The following AGBL1 variants were observed in gnomAD, a reference collection of about 807,000 sequenced individuals.
The protein encoded by AGBL1 is cytosolic carboxypeptidase 4.
Under a neutral mutation model 118.9 loss-of-function variants are expected in AGBL1, and 130 were observed. The ratio of observed to expected loss-of-function variants is 1.09; its 90% CI spans 0.95 to 1.26. AGBL1 has a LOEUF of 1.26. Among genes scored for constraint, AGBL1 ranks in the 50% most tolerant of loss-of-function variants. The pLI, the probability that AGBL1 is intolerant of heterozygous loss-of-function variation, is 0.00. For synonymous variants in AGBL1, 555 were observed against 478.9 expected, an observed-to-expected ratio of 1.16 and a Z score of -2.08; for missense variants, 1,584 against 1,298.1, an observed-to-expected ratio of 1.22 and a Z score of -3.38.
intron 22 of AGBL1, among the ~76,000 whole-genome samples, chr15:86,731,980 C>G (rs987014937): frequency 1.3e-5 from 2 of 152,196 alleles, no homozygotes; most frequent in African/African-American, 4.8e-5. Context: ...GATCTGCAGT[C>G]ACTCTGCTTT....
At chr15:86,110,982 G>A (rs1307532423) in intron 1 of AGBL1, among the ~76,000 whole-genome samples, 1 of 149,472 alleles carries the variant, frequency 6.7e-6, no homozygotes, top group African/African-American at 2.5e-5. Context: ...AATTACTAAT[G>A]TGACAGGCCT....
At chr15:86,448,806 TG>T (rs1010655309) in intron 18 of AGBL1, among the ~76,000 whole-genome samples, 20 of 152,124 alleles carry the variant, frequency 1.3e-4, no homozygotes, top group African/African-American at 4.8e-4. Context: ...ATGTTTAACC[TG>T]AGTTACTATG....
chr15:86,167,609 A>G (rs749984819), intron 5 of AGBL1, among the ~76,000 whole-genome samples: 1 of 152,214 alleles, frequency 6.6e-6, no homozygotes, highest in Non-Finnish European at 1.5e-5. Context: ...CTCAGGCACC[A>G]TAAATTATAA....
chr15:86,839,562 G>C (rs2079217016), intron 22 of AGBL1, among the ~76,000 whole-genome samples: 1 of 152,140 alleles, frequency 6.6e-6, no homozygotes, highest in African/African-American at 2.4e-5. Context: ...ATAATATTCT[G>C]TTATTAGGGA....
intron 1 of AGBL1, among the ~76,000 whole-genome samples, chr15:86,132,001 C>G (rs944710653): frequency 6.6e-6 from 1 of 151,932 alleles, no homozygotes; most frequent in African/African-American, 2.4e-5. Flanking sequence ...AGTTCATATC[C>G]TGATGCCTAT....
chr15:86,401,559 C>G (rs1382739715), intron 18 of AGBL1, among the ~76,000 whole-genome samples: 1 of 152,088 alleles, frequency 6.6e-6, no homozygotes, highest in Non-Finnish European at 1.5e-5. Flanking sequence ...ACAATGTTAT[C>G]TTCTGGAATT....
chr15:86,477,268 C>A (rs111605227), intron 18 of AGBL1, among the ~76,000 whole-genome samples: 1 of 151,692 alleles, frequency 6.6e-6, no homozygotes, highest in Non-Finnish European at 1.5e-5. Flanking sequence ...ACAAAAAAAC[C>A]CTTCAAAAAA....
chr15:86,817,468 A>C (rs928304796), intron 22 of AGBL1, among the ~76,000 whole-genome samples: 39 of 125,926 alleles, frequency 3.1e-4, no homozygotes, highest in African/African-American at 1.1e-3. Context: ...AGAGATACAC[A>C]CACACACACA....
At chr15:86,649,125 G>A (rs764258365) in intron 21 of AGBL1, among the ~76,000 whole-genome samples, 6 of 152,156 alleles carry the variant, frequency 3.9e-5, no homozygotes, top group Admixed American at 6.5e-5. Context: ...GTCCATCTAT[G>A]AGGATGAGGA....
chr15:86,999,491 G>C (rs1244359425), intron 24 of AGBL1, among the ~76,000 whole-genome samples: 1 of 144,644 alleles, frequency 6.9e-6, no homozygotes, highest in Non-Finnish European at 1.5e-5. Context: ...TTGTTCTTGT[G>C]ATACTTTAGT....
chr15:86,549,950 C>T (rs2083642499), intron 20 of AGBL1, among the ~76,000 whole-genome samples: 1 of 151,496 alleles, frequency 6.6e-6, no homozygotes, highest in African/African-American at 2.4e-5. Flanking sequence ...AGTATCATAA[C>T]CAACATGAAA....
chr15:86,093,363 A>AT (rs1896156474), intron 1 of AGBL1, among the ~76,000 whole-genome samples: 1 of 152,192 alleles, frequency 6.6e-6, no homozygotes, highest in Non-Finnish European at 1.5e-5. Flanking sequence ...TCTACAAGTG[A>AT]TTTAAAAACC....
intron 22 of AGBL1, among the ~76,000 whole-genome samples, chr15:86,697,510 T>C (rs1368854051): frequency 6.6e-6 from 1 of 151,872 alleles, no homozygotes; most frequent in Non-Finnish European, 1.5e-5. Flanking sequence ...ATCATTTTTT[T>C]TTTTTTAATT....
intron 5 of AGBL1, among the ~76,000 whole-genome samples, chr15:86,196,927 G>T (rs867876301): frequency 8.4e-6 from 1 of 118,368 alleles, no homozygotes; most frequent in Non-Finnish European, 1.8e-5. Context: ...ACACACACAC[G>T]AAAGGCCATA....
chr15:86,743,578 A>G (rs1231062748), intron 22 of AGBL1, among the ~76,000 whole-genome samples: 1 of 152,048 alleles, frequency 6.6e-6, no homozygotes, highest in Non-Finnish European at 1.5e-5. Flanking sequence ...TGAATAACCC[A>G]ATGGACCTCC....
At chr15:86,143,191 T>A (rs2076986838) in intron 2 of AGBL1, among the ~76,000 whole-genome samples, 1 of 152,206 alleles carries the variant, frequency 6.6e-6, no homozygotes. Flanking sequence ...CTCAAGGGAC[T>A]ACTGCAGTGG....
chr15:86,336,024 T>G (rs1444087990), intron 17 of AGBL1, among the ~76,000 whole-genome samples: 1 of 152,206 alleles, frequency 6.6e-6, no homozygotes, highest in African/African-American at 2.4e-5. Context: ...TGTGAAGGTG[T>G]TAGACACAAA....
rs1396380559 is a variant in AGBL1 at position 86,881,291 on chromosome 15, G to T, written c.3159-25796G>T. On this transcript the variant is annotated intron_variant, in intron 22 of 22. Transcript: ENST00000614907. ...TTCTTTTTTCAAAATTCTTGACATC[G>T]GAAGAAACCTCGTGGAATGCTCTCA... is the stretch of plus-strand genomic sequence containing the variant. 2.6e-5 allele frequency among the ~76,000 whole-genome samples: 4 copies of T among 152,190 alleles called. No homozygotes were observed. The East Asian group carries it at 7.7e-4, about 29-fold the overall frequency.
intron 18 of AGBL1, among the ~76,000 whole-genome samples, chr15:86,463,830 T>C (rs1428545366): frequency 6.6e-6 from 1 of 152,232 alleles, no homozygotes; most frequent in Non-Finnish European, 1.5e-5. Context: ...CCATGCTGTT[T>C]TGGTTACTCT....
Sources: gnomAD v4.1 joint callset for allele counts (sites outside exome capture counted in the v4.1 genomes callset) on GRCh38, gnomAD v4.1.1 for gene constraint, MANE v1.5 for transcripts, NCBI Gene and HGNC (gene_info 2026-07-23, HGNC 2026-07-21) for gene names.